Variants in NXPH1 observed in about 807,000 individuals in gnomAD.
NXPH1 encodes the protein neurexophilin-1.
NXPH1 carries 5 observed loss-of-function variants against 23.7 expected under a neutral mutation model. The ratio of observed to expected loss-of-function variants is 0.21; its 90% CI spans 0.11 to 0.44. The LOEUF is 0.44. NXPH1 is among the 20% of genes least tolerant of loss of function. NXPH1 has a pLI of 0.99. For synonymous variants in NXPH1, 144 were observed against 122.2 expected, an observed-to-expected ratio of 1.18 and a Z score of -1.18; for missense variants, 324 against 321.6, an observed-to-expected ratio of 1.01 and a Z score of -0.06.
chr7:8,438,654 C>T lies in NXPH1; in HGVS notation c.54+2887C>T, dbSNP rs77965742. ...GTTATCTCCTAAAGAAATATTTAGG[C>T]TTCTGTTTAAAGTGAATACCTTAAA... is the stretch of plus-strand genomic sequence containing the variant. On this transcript the variant is annotated intron_variant, in intron 2 of 2. Transcript: ENST00000405863. Among the ~76,000 whole-genome samples, 207 of 152,264 alleles carry T rather than the reference C, an allele frequency of 1.4e-3. 6 individuals are homozygous for T. In the East Asian group the frequency reaches 0.035, roughly 26 times the overall value.
At chr7:8,749,419 G>T (rs771005740) in intron 2 of NXPH1, among the ~76,000 whole-genome samples, 4 of 152,178 alleles carry the variant, frequency 2.6e-5, no homozygotes, top group Admixed American at 6.5e-5. Context: ...TTGCTCTCCA[G>T]GGATTGAGAG....
chr7:8,578,875 AG>A (rs1818807777), intron 2 of NXPH1, among the ~76,000 whole-genome samples: 1 of 152,208 alleles, frequency 6.6e-6, no homozygotes, highest in Admixed American at 6.5e-5. Context: ...AAATGGAAGA[AG>A]TGTGGTAGGT....
At chr7:8,566,080 T>C (rs1455402239) in intron 2 of NXPH1, among the ~76,000 whole-genome samples, 1 of 151,684 alleles carries the variant, frequency 6.6e-6, no homozygotes, top group Non-Finnish European at 1.5e-5. Flanking sequence ...AATCCAGTTG[T>C]TATTGCTTCC....
intron 2 of NXPH1, among the ~76,000 whole-genome samples, chr7:8,634,169 C>T (rs1047853413): frequency 2.0e-5 from 3 of 152,110 alleles, no homozygotes; most frequent in Non-Finnish European, 4.4e-5. Flanking sequence ...ATAATCCCCA[C>T]GTATCATGGG....
intron 2 of NXPH1, among the ~76,000 whole-genome samples, chr7:8,453,929 G>C (rs1166745333): frequency 6.6e-6 from 1 of 152,044 alleles, no homozygotes; most frequent in African/African-American, 2.4e-5. Context: ...ATTCTTTTGG[G>C]CCTGTATCCA....
intron 2 of NXPH1, among the ~76,000 whole-genome samples, chr7:8,618,561 T>G (rs1224530708): frequency 6.6e-6 from 1 of 152,210 alleles, no homozygotes; most frequent in East Asian, 1.9e-4. Context: ...ACAAAGTAGC[T>G]GTATTGCATT....
At chr7:8,437,307 A>G (rs2128603617) in intron 2 of NXPH1, among the ~76,000 whole-genome samples, 1 of 147,826 alleles carries the variant, frequency 6.8e-6, no homozygotes, top group East Asian at 2.1e-4. Flanking sequence ...TTGAGAGACC[A>G]TGGATGGAGG....
rs117273004 is a variant in NXPH1, at chr7:8,549,434, T to C, written c.54+113667T>C. Among the ~76,000 whole-genome samples the C allele has an allele frequency of 1.1e-3, 167 of 151,650 alleles. 1 individual carries two copies. Among genetic ancestry groups the C allele is most frequent in the Non-Finnish European group, 2.1e-3 (140 of 67,652 alleles). ...CAGGCTTTATTCTGAGTAAGTATAC[T>C]GAATGCCAAGTCTTTTTAATGAAGC... On this transcript the variant is annotated intron_variant, in intron 2 of 2. Transcript: ENST00000405863.
At chr7:8,670,328 A>G (rs1278280910) in intron 2 of NXPH1, among the ~76,000 whole-genome samples, 1 of 152,240 alleles carries the variant, frequency 6.6e-6, no homozygotes. Flanking sequence ...GAAATCTCTC[A>G]CAAGTTCTAT....
Position 8,741,040 on chromosome 7 carries a change from C to T in NXPH1, c.55-9968C>T, listed in dbSNP as rs375307770. Among the ~76,000 whole-genome samples the T allele has an allele frequency of 6.6e-5, 10 of 152,196 alleles. No homozygotes were observed. The East Asian group carries it at 1.7e-3, about 26-fold the overall frequency. ...TCAAATGTTTGTATCCTTTAACAAA[C>T]ATCTTTCAATTTCCTCCATTCCCCA... On this transcript the variant is annotated intron_variant, in intron 2 of 2. Transcript: ENST00000405863.
rs185034374 is a variant in NXPH1, at chr7:8,728,771, A to G, written c.55-22237A>G. On this transcript the variant is annotated intron_variant, in intron 2 of 2. Coordinates refer to ENST00000405863, the MANE Select transcript of NXPH1 (RefSeq NM_152745.3). ...TTTTATTGAGGATTTTTGCATCAAT[A>G]TTCATCAAGGATATTGGTCTACAAT... Among the ~76,000 whole-genome samples the G allele has an allele frequency of 9.5e-3, 1,440 of 152,292 alleles. 23 individuals are homozygous for G. Among genetic ancestry groups the G allele is most frequent in the African/African-American group, 0.032 (1,314 of 41,552 alleles).
intron 2 of NXPH1, among the ~76,000 whole-genome samples, chr7:8,458,700 G>A (rs539249445): frequency 2.0e-5 from 3 of 146,530 alleles, no homozygotes; most frequent in Non-Finnish European, 4.4e-5. Flanking sequence ...GCGGCATTTG[G>A]TTAACTATTC....
chr7:8,555,733 G>A (rs979522165), intron 2 of NXPH1, among the ~76,000 whole-genome samples: 1 of 151,576 alleles, frequency 6.6e-6, no homozygotes, highest in South Asian at 2.1e-4. Context: ...GCTATAACTT[G>A]TTCATTACCA....
In NXPH1 at chr7:8,606,250, G is replaced by T. The variant is rs1282165011; in HGVS notation, c.55-144758G>T. Reference sequence around the variant, plus strand: ...AGATGAGAGGAAAATTGTATATTTTGTAGTACAATATAAAACACCTAAGAA... The same window carrying T: ...AGATGAGAGGAAAATTGTATATTTTTTAGTACAATATAAAACACCTAAGAA... On this transcript the variant is annotated intron_variant, in intron 2 of 2. Coordinates refer to ENST00000405863, the MANE Select transcript of NXPH1 (RefSeq NM_152745.3). Among the ~76,000 whole-genome samples, 7 of 151,946 alleles carry T rather than the reference G, an allele frequency of 4.6e-5. No homozygotes were observed. In the South Asian group the frequency reaches 1.2e-3, roughly 27 times the overall value.
intron 2 of NXPH1, among the ~76,000 whole-genome samples, chr7:8,660,141 T>A (rs911281072): frequency 8.5e-5 from 13 of 152,232 alleles, no homozygotes; most frequent in African/African-American, 2.9e-4. Context: ...TTATTATGTG[T>A]CAGCACTGTG....
intron 2 of NXPH1, among the ~76,000 whole-genome samples, chr7:8,726,814 A>C (rs1253899236): frequency 6.6e-6 from 1 of 151,446 alleles, no homozygotes; most frequent in Non-Finnish European, 1.5e-5. Context: ...ATGTGTCTTT[A>C]TAGCAGCATG....
intron 2 of NXPH1, among the ~76,000 whole-genome samples, chr7:8,545,648 A>G (rs980028397): frequency 6.6e-6 from 1 of 151,550 alleles, no homozygotes; most frequent in African/African-American, 2.4e-5. Context: ...TAGGTCAATT[A>G]GTGGTTTAAT....
chr7:8,650,118 T>C (rs1489923176), intron 2 of NXPH1, among the ~76,000 whole-genome samples: 1 of 152,184 alleles, frequency 6.6e-6, no homozygotes, highest in Non-Finnish European at 1.5e-5. Context: ...TTAATTTACT[T>C]TGATTTAGAG....
chr7:8,501,043 G>A (rs1295410541), intron 2 of NXPH1, among the ~76,000 whole-genome samples: 2 of 152,188 alleles, frequency 1.3e-5, no homozygotes, highest in East Asian at 1.9e-4. Flanking sequence ...TGTGGAAGGT[G>A]TCTTATCCTT....
Sources: allele counts gnomAD v4.1 joint callset (sites outside exome capture counted in the v4.1 genomes callset), GRCh38; gene constraint gnomAD v4.1.1; transcripts MANE v1.5; gene names NCBI Gene and HGNC (gene_info 2026-07-23, HGNC 2026-07-21).